BTBD9: variants seen among roughly 807,000 people sequenced by gnomAD.
BTBD9 encodes BTB domain containing 9, also known as BTB/POZ domain-containing protein 9.
In BTBD9, 49 loss-of-function variants were observed where a neutral mutation model predicts 64.3. The ratio of observed to expected loss-of-function variants is 0.76; its 90% CI spans 0.61 to 0.97. The LOEUF (loss-of-function observed/expected upper bound fraction) is 0.97, where lower values mean the gene tolerates loss of function less well. BTBD9 is among the 50% of genes least tolerant of loss of function. BTBD9 has a pLI of 0.00. For synonymous variants in BTBD9, 260 were observed against 274.7 expected, an observed-to-expected ratio of 0.95 and a Z score of 0.53; for missense variants, 598 against 762.1, an observed-to-expected ratio of 0.78 and a Z score of 2.53.
At chr6:38,326,574 A>G (rs765583885) in intron 7 of BTBD9, among the ~76,000 whole-genome samples, 5 of 152,132 alleles carry the variant, frequency 3.3e-5, no homozygotes, top group Admixed American at 1.3e-4. Context: ...CAGTAGTGAC[A>G]AGAAGGAACA....
intron 6 of BTBD9, among the ~76,000 whole-genome samples, chr6:38,350,544 A>C (rs9462430): frequency 0.049 from 7,470 of 152,302 alleles, 603 homozygotes; most frequent in African/African-American, 0.17. Flanking sequence ...GGTAAGAAAT[A>C]TTTAAATGAG....
chr6:38,246,590 A>T (rs1764212074), intron 9 of BTBD9, among the ~76,000 whole-genome samples: 1 of 149,640 alleles, frequency 6.7e-6, no homozygotes. Flanking sequence ...ATTAACACCA[A>T]TGTTTGCCCT....
chr6:38,304,400 G>T (rs1427592038), intron 7 of BTBD9, among the ~76,000 whole-genome samples: 4 of 151,910 alleles, frequency 2.6e-5, no homozygotes, highest in Admixed American at 2.6e-4. Context: ...ACAAAAATTA[G>T]CCAGGCATGG....
intron 8 of BTBD9, among the ~76,000 whole-genome samples, chr6:38,276,472 C>T (rs528450277): frequency 1.8e-4 from 28 of 151,746 alleles, no homozygotes; most frequent in African/African-American, 6.8e-4. Flanking sequence ...ACATTGTGCA[C>T]ATGTACCCTA....
intron 9 of BTBD9, among the ~76,000 whole-genome samples, chr6:38,254,069 G>GAGCA (rs147961405): frequency 6.7e-6 from 1 of 150,078 alleles, no homozygotes; most frequent in East Asian, 2.0e-4. Context: ...GCTACCCCTA[G>GAGCA]AGCAAGGCTT....
intron 9 of BTBD9, among the ~76,000 whole-genome samples, chr6:38,210,675 CT>C (rs1365346890): frequency 6.6e-6 from 1 of 152,078 alleles, no homozygotes; most frequent in Non-Finnish European, 1.5e-5. Flanking sequence ...GCATTTCTTT[CT>C]TACAAGGTTT....
chr6:38,298,660 C>A (rs969321320), intron 7 of BTBD9, among the ~76,000 whole-genome samples: 2 of 152,220 alleles, frequency 1.3e-5, no homozygotes, highest in East Asian at 3.9e-4. Flanking sequence ...TTCACCCTCC[C>A]AACCCCAAAC....
At chr6:38,405,562 C>T (rs9380746) in intron 6 of BTBD9, among the ~76,000 whole-genome samples, 8,559 of 151,776 alleles carry the variant, frequency 0.056, 695 homozygotes, top group East Asian at 0.33. Context: ...AAATAAGCTC[C>T]TGCAAAAACA....
chr6:38,605,709 T>C (rs1402392371), intron 1 of BTBD9, among the ~76,000 whole-genome samples: 1 of 152,110 alleles, frequency 6.6e-6, no homozygotes, highest in South Asian at 2.1e-4. Context: ...TCCCAGCTAC[T>C]AGGGAGGCTG....
intron 6 of BTBD9, among the ~76,000 whole-genome samples, chr6:38,460,812 G>A (rs758659150): frequency 3.3e-5 from 5 of 152,022 alleles, no homozygotes; most frequent in Admixed American, 3.3e-4. Context: ...TAGTAGAGAC[G>A]GGGTTTCACC....
At chr6:38,413,185 T>C (rs1209068539) in intron 6 of BTBD9, among the ~76,000 whole-genome samples, 1 of 152,144 alleles carries the variant, frequency 6.6e-6, no homozygotes, top group African/African-American at 2.4e-5. Context: ...TTTTAAAAAG[T>C]ATTCTTTCCC....
At chr6:38,572,334 T>G (rs931591852) in intron 6 of BTBD9, among the ~76,000 whole-genome samples, 4 of 152,130 alleles carry the variant, frequency 2.6e-5, no homozygotes, top group African/African-American at 9.7e-5. Flanking sequence ...ATAAAATCTA[T>G]TTCCTTAGCT....
At chr6:38,314,690 T>C (rs1301988643) in intron 7 of BTBD9, among the ~76,000 whole-genome samples, 1 of 152,160 alleles carries the variant, frequency 6.6e-6, no homozygotes, top group Non-Finnish European at 1.5e-5. Flanking sequence ...AGGTTTTGGA[T>C]TTCTTCATGG....
intron 9 of BTBD9, among the ~76,000 whole-genome samples, chr6:38,208,491 C>G (rs1170281566): frequency 6.9e-6 from 1 of 143,938 alleles, no homozygotes; most frequent in Non-Finnish European, 1.5e-5. Context: ...TACTGTTTAA[C>G]AGCCCTTAAG....
rs1473643213 is a variant in BTBD9, at chr6:38,272,818, T to C, written c.1454+15454A>G. Among the ~76,000 whole-genome samples, 3 of 152,302 alleles carry C rather than the reference T, an allele frequency of 2.0e-5. No homozygotes were observed. The East Asian group carries it at 5.8e-4, about 29-fold the overall frequency. ...ACTTGATTATATGCTCTTTATTATC[T>C]TTTAACCTCAGAAAGGAGATGAATA... On this transcript the variant is annotated intron_variant, in intron 8 of 10. Transcript: ENST00000481247.
At chr6:38,295,699 GTTACT>G (rs1285210721) in intron 7 of BTBD9, among the ~76,000 whole-genome samples, 5 of 151,996 alleles carry the variant, frequency 3.3e-5, no homozygotes, top group African/African-American at 1.2e-4. Context: ...ACTAATTTAT[GTTACT>G]TTAGTCACAT....
chr6:38,438,228 G>GGGGA (rs1768837068), intron 6 of BTBD9, among the ~76,000 whole-genome samples: 1 of 16,676 alleles, frequency 6.0e-5, no homozygotes. Flanking sequence ...GGGAGGGAGG[G>GGGGA]AGGGAGGGAG....
At chr6:38,476,436 T>A (rs1770885042) in intron 6 of BTBD9, among the ~76,000 whole-genome samples, 1 of 152,184 alleles carries the variant, frequency 6.6e-6, no homozygotes, top group South Asian at 2.1e-4. Context: ...ATTATTCTGA[T>A]AAAGCTCTAA....
intron 6 of BTBD9, among the ~76,000 whole-genome samples, chr6:38,373,379 A>C (rs1765505663): frequency 6.6e-6 from 1 of 152,206 alleles, no homozygotes; most frequent in South Asian, 2.1e-4. Flanking sequence ...AAGAATTATG[A>C]TTAAATCATC....
Sources: allele counts gnomAD v4.1 joint callset (sites outside exome capture counted in the v4.1 genomes callset), GRCh38; gene constraint gnomAD v4.1.1; transcripts MANE v1.5; gene names NCBI Gene and HGNC (gene_info 2026-07-23, HGNC 2026-07-21).